SFXN1: variants seen among roughly 807,000 people sequenced by gnomAD.
SFXN1 encodes the protein sideroflexin 1, also known as sideroflexin-1.
Under a neutral mutation model 39.5 loss-of-function variants are expected in SFXN1, and 32 were observed. The ratio of observed to expected loss-of-function variants is 0.81; its 90% CI spans 0.61 to 1.09. The LOEUF (loss-of-function observed/expected upper bound fraction) is 1.09, where lower values mean the gene tolerates loss of function less well. SFXN1 is among the 50% of genes least tolerant of loss of function. The pLI is 0.00. For synonymous variants in SFXN1, 136 were observed against 146.5 expected (o/e 0.93, Z 0.52); for missense variants, 402 against 407.1 (o/e 0.99, Z 0.11).
intron 2 of SFXN1, among the ~76,000 whole-genome samples, chr5:175,493,506 T>C (rs1759742085): frequency 6.6e-6 from 1 of 152,118 alleles, no homozygotes; most frequent in African/African-American, 2.4e-5. Flanking sequence ...CATGTGCCAA[T>C]GTGCGTAAAG....
At chr5:175,524,150 A>G (rs1464180066) in intron 10 of SFXN1, 1 of 74,604 alleles carries the variant, frequency 1.3e-5, no homozygotes, top group Non-Finnish European at 2.4e-5. Context: ...ATATATATAT[A>G]TATATATATA....
At chr5:175,503,410 C>CA (rs1405373255) in intron 2 of SFXN1, among the ~76,000 whole-genome samples, 3 of 152,108 alleles carry the variant, frequency 2.0e-5, no homozygotes, top group Non-Finnish European at 4.4e-5. Context: ...ACATAGCATC[C>CA]AACCTTGTGT....
intron 2 of SFXN1, among the ~76,000 whole-genome samples, chr5:175,507,434 A>G (rs114999886): frequency 0.067 from 10,176 of 152,246 alleles, 456 homozygotes; most frequent in Admixed American, 0.11. Flanking sequence ...CTGAGTAAAG[A>G]AGGTGGTTAT....
In SFXN1 at chr5:175,485,510, T is replaced by C. The variant is rs192496912; in HGVS notation, c.-9-6585T>C. On this transcript the variant is annotated intron_variant, in intron 1 of 10. Coordinates refer to ENST00000321442, the MANE Select transcript of SFXN1 (RefSeq NM_022754.7). ...TCCTTCCATCTCTTATAGGGAGCCT[T>C]GTGATGACATTGGGCCAACCAAATA... Among the ~76,000 whole-genome samples the C allele has an allele frequency of 2.0e-3, 308 of 152,306 alleles. 1 individual carries two copies. The highest frequency in any genetic ancestry group is 3.4e-3 in the Middle Eastern group (1 of 294).
intron 1 of SFXN1, among the ~76,000 whole-genome samples, chr5:175,480,400 T>TAAA (rs397972232): frequency 1.4e-5 from 2 of 144,630 alleles, no homozygotes; most frequent in African/African-American, 5.1e-5. Context: ...GACTCCGTCT[T>TAAA]AAAAAAAAAA....
intron 2 of SFXN1, among the ~76,000 whole-genome samples, chr5:175,504,822 G>A (rs563759100): frequency 7.9e-5 from 12 of 151,968 alleles, no homozygotes; most frequent in African/African-American, 2.7e-4. Flanking sequence ...TCTGCCTCCC[G>A]GGTTCACGCC....
chr5:175,522,549 C>T lies in SFXN1; in HGVS notation c.872+127C>T, dbSNP rs1490734717. ...ACTCAAAAGATACTGAAGCCAGGGT[C>T]TCTTAAAAGGAAGGGATGGAGGCAG... is the stretch of plus-strand genomic sequence containing the variant. On this transcript the variant is annotated intron_variant, in intron 10 of 10. Transcript: ENST00000321442. 4 of 892,560 alleles carry T rather than the reference C, an allele frequency of 4.5e-6. No individual in the cohort carries two copies. The Admixed American group carries it at 7.8e-5, about 18-fold the overall frequency. 55.3% of individuals were successfully genotyped at this position (892,560 alleles called of 1,614,324 possible).
At chr5:175,485,858 TG>T (rs1203635171) in intron 1 of SFXN1, among the ~76,000 whole-genome samples, 1 of 152,188 alleles carries the variant, frequency 6.6e-6, no homozygotes, top group Non-Finnish European at 1.5e-5. Flanking sequence ...GGGGTGGCTT[TG>T]AATGACATCC....
intron 2 of SFXN1, among the ~76,000 whole-genome samples, chr5:175,503,338 A>G (rs1760154325): frequency 6.6e-6 from 1 of 152,262 alleles, no homozygotes; most frequent in Non-Finnish European, 1.5e-5. Flanking sequence ...TAAAAAATAC[A>G]AAAAGAAACA....
intron 1 of SFXN1, among the ~76,000 whole-genome samples, chr5:175,490,356 G>A (rs917983323): frequency 2.0e-5 from 3 of 152,176 alleles, no homozygotes; most frequent in Non-Finnish European, 4.4e-5. Flanking sequence ...ACCCCAGCCT[G>A]CTCTAGGAAT....
intron 10 of SFXN1, 49 bp downstream of exon 10, chr5:175,522,471 A>G (rs1225771558): frequency 1.3e-6 from 2 of 1,574,442 alleles, no homozygotes; most frequent in East Asian, 2.2e-5. Flanking sequence ...AATCCTAAAA[A>G]CCAATTGAAG....
At chr5:175,501,877 C>T (rs1253563502) in intron 2 of SFXN1, among the ~76,000 whole-genome samples, 2 of 152,134 alleles carry the variant, frequency 1.3e-5, no homozygotes, top group Non-Finnish European at 2.9e-5. Context: ...ACGGGAATTG[C>T]AATGGAGAAA....
chr5:175,501,618 A>G (rs1410086626), intron 2 of SFXN1, among the ~76,000 whole-genome samples: 4 of 152,220 alleles, frequency 2.6e-5, no homozygotes, highest in Non-Finnish European at 5.9e-5. Context: ...CACTTGAACT[A>G]TATCCATCCA....
intron 7 of SFXN1, 46 bp from the exon 8 acceptor site, chr5:175,516,568 A>C (rs771534437): frequency 3.9e-6 from 6 of 1,541,642 alleles, no homozygotes; most frequent in Non-Finnish European, 5.3e-6. Context: ...GTAAGCTGAA[A>C]ATTGGCATTA....
intron 1 of SFXN1, 85 bp downstream of exon 1, chr5:175,478,724 G>T (rs1168674136): frequency 6.6e-6 from 1 of 152,070 alleles, no homozygotes; most frequent in Admixed American, 6.5e-5. Flanking sequence ...GGGCAGGCTC[G>T]GGCCGTGCAC....
At chr5:175,493,145 C>T (rs1396528959) in intron 2 of SFXN1, among the ~76,000 whole-genome samples, 3 of 151,688 alleles carry the variant, frequency 2.0e-5, no homozygotes, top group Non-Finnish European at 2.9e-5. Flanking sequence ...CCCAGCTACT[C>T]GGGAGGCTGA....
At chr5:175,499,071 A>G (rs774697116) in intron 2 of SFXN1, among the ~76,000 whole-genome samples, 1 of 152,142 alleles carries the variant, frequency 6.6e-6, no homozygotes, top group Non-Finnish European at 1.5e-5. Context: ...CCTGGCCAAC[A>G]TGGTAAAACC....
At chr5:175,523,461 A>C (rs1760941363) in intron 10 of SFXN1, 1 of 152,180 alleles carries the variant, frequency 6.6e-6, no homozygotes, top group Non-Finnish European at 1.5e-5. Flanking sequence ...GCTTATGAAC[A>C]CTGGTGTTCA....
intron 4 of SFXN1, 65 bp from the exon 5 acceptor site, chr5:175,511,383 AAAT>A: frequency 8.6e-7 from 1 of 1,166,942 alleles, no homozygotes; most frequent in Non-Finnish European, 1.3e-6. Context: ...TTATTTCTTC[AAAT>A]AATGTTGCAC....
Sources: gnomAD v4.1 joint callset for allele counts (sites outside exome capture counted in the v4.1 genomes callset) on GRCh38, gnomAD v4.1.1 for gene constraint, MANE v1.5 for transcripts, NCBI Gene and HGNC (gene_info 2026-07-23, HGNC 2026-07-21) for gene names.